Variants in PNKP observed in about 807,000 individuals in gnomAD.
The protein encoded by PNKP is bifunctional polynucleotide phosphatase/kinase.
A neutral mutation model predicts 66.2 loss-of-function variants in PNKP; 82 were observed. That is an observed-to-expected ratio of 1.24 (90% CI 1.04 to 1.49). The LOEUF (loss-of-function observed/expected upper bound fraction) is 1.49, where lower values mean the gene tolerates loss of function less well. Ranked by LOEUF, PNKP falls within the 40% of genes most tolerant of loss-of-function variation. The probability of loss-of-function intolerance (pLI) is 0.00; values close to 1 mark genes in which losing one functional copy is unlikely to be tolerated. For synonymous variants in PNKP, 412 were observed against 298.9 expected (o/e 1.38, Z -3.90); for missense variants, 907 against 706.8 (o/e 1.28, Z -3.21).
rs1416491595 is a variant in PNKP, at chr19:49,862,050, C to T, written c.1182G>A (p.Val394=). The T allele has an allele frequency of 6.2e-7, 1 of 1,614,008 alleles. No homozygotes were observed. The highest frequency in any genetic ancestry group is 8.5e-7 in the Non-Finnish European group (1 of 1,179,988). Residue 394 remains valine (V), a synonymous_variant, in exon 13 of 17, where the codon GTG becomes GTA. Transcript: ENST00000322344. ...GGCAAAAGCCTGGTCATACCCTGTTCACGTGGACATATCCGGCCGACACGA... is the reference window on the plus strand; with the variant it reads ...GGCAAAAGCCTGGTCATACCCTGTTTACGTGGACATATCCGGCCGACACGA... ...KHLVSAGYVH[V]NRDTLGSWQR...
intron 8 of PNKP, chr19:49,862,965 C>G: frequency 3.1e-6 from 2 of 645,454 alleles, no homozygotes; most frequent in Non-Finnish European, 2.8e-6. Context: ...CACCTCCTCC[C>G]GTTCCCCACG....
Position 49,861,785 on chromosome 19 carries a change from C to CGGCGTCTG in PNKP, c.1277_1284dup (p.Ala429GlnfsTer41). On this transcript the variant is annotated frameshift_variant, in exon 14 of 17. Transcript: ENST00000322344. LOFTEE classifies it high-confidence loss of function. ...CGGTCACGCTACCTGGCGCGGCTCG[C>CGGCGTCTG]GGCGTCTGGGTTTGTGTTGTCGATG... 1 of 1,566,094 alleles carries CGGCGTCTG rather than the reference C, an allele frequency of 6.4e-7. No individual in the cohort carries two copies. The highest frequency in any genetic ancestry group is 8.6e-7 in the Non-Finnish European group (1 of 1,158,520).
Position 49,861,704 on chromosome 19 carries a change from G to A in PNKP, c.1299-9C>T, listed in dbSNP as rs1055654261. The A allele has an allele frequency of 1.5e-5, 23 of 1,548,314 alleles. No individual in the cohort carries two copies. Among genetic ancestry groups the A allele is most frequent in the South Asian group, 1.1e-4 (9 of 84,144 alleles). ...GGGCACACTGGACGTACCTGTGGGG[G>A]AAGGAGCTGGATGTGCAGGCCCCGC... On this transcript the variant is annotated splice_polypyrimidine_tract_variant and intron_variant, in intron 14 of 16. Transcript: ENST00000322344.
At position 49,861,556 on chromosome 19, in the gene PNKP, GA is replaced by G. The variant is rs777810196; in HGVS notation, c.1387-47del. 2.4e-5 allele frequency: 38 copies of G among 1,574,688 alleles called. No individual in the cohort carries two copies. The highest frequency in any genetic ancestry group is 3.1e-5 in the Non-Finnish European group (36 of 1,160,556). Reference sequence around the variant, plus strand: ...GCGGCAGGCCCAGGGGTCAGGGGAGGAGGGGGGTCAGGGGGTGCAGCCCGGG... The same window carrying G: ...GCGGCAGGCCCAGGGGTCAGGGGAGGGGGGGGTCAGGGGGTGCAGCCCGGG... On this transcript the variant is annotated intron_variant, in intron 15 of 16. Coordinates refer to ENST00000322344, the MANE Select transcript of PNKP (RefSeq NM_007254.4).
intron 13 of PNKP, 62 bp downstream of exon 13, chr19:49,861,982 C>G: frequency 6.2e-7 from 1 of 1,601,920 alleles, no homozygotes; most frequent in Non-Finnish European, 8.6e-7. Context: ...CGCCCCAAAC[C>G]AGTTGAGAGG....
intron 3 of PNKP, 107 bp from the exon 4 acceptor site, chr19:49,865,533 C>T: frequency 8.2e-6 from 6 of 731,256 alleles, no homozygotes; most frequent in Non-Finnish European, 1.2e-5. Flanking sequence ...CTATCAGACC[C>T]TTAGGCCCCA....
chr19:49,863,570 G>A (rs1173012984), intron 8 of PNKP, 119 bp downstream of exon 8: 1 of 730,974 alleles, frequency 1.4e-6, no homozygotes. Flanking sequence ...GCAAAAAACA[G>A]AAGGAGGGAG....
chr19:49,863,895 T>C, intron 7 of PNKP, 69 bp downstream of exon 7: 7 of 1,421,954 alleles, frequency 4.9e-6, no homozygotes, highest in Non-Finnish European at 6.9e-6. Flanking sequence ...CCGCTTACCC[T>C]GGAGTCTAAA....
chr19:49,861,717 G>A (rs1568658809), intron 14 of PNKP, 22 bp from the exon 15 acceptor site: 5 of 1,548,788 alleles, frequency 3.2e-6, no homozygotes, highest in Middle Eastern at 1.7e-4. Flanking sequence ...GGAGCTGGAT[G>A]TGCAGGCCCC....
intron 8 of PNKP, among the ~76,000 whole-genome samples, chr19:49,863,304 C>G (rs2074793497): frequency 1.3e-5 from 2 of 152,154 alleles, no homozygotes; most frequent in African/African-American, 4.8e-5. Context: ...CGGGTGATGC[C>G]TGCTTTCTCC....
In PNKP at chr19:49,867,344, C is replaced by T. The variant is rs2074829567; in HGVS notation, c.-14+125G>A. On this transcript the variant is annotated intron_variant, in intron 1 of 16. Coordinates refer to ENST00000322344, the MANE Select transcript of PNKP (RefSeq NM_007254.4). ...TGCTCCGGAAGTCCCACCCGCTCGC[C>T]TTCCGCGGGTCGACCCGTTTCCCAG... 5 of 1,019,724 alleles carry T rather than the reference C, an allele frequency of 4.9e-6. No individual in the cohort carries two copies. The South Asian group carries it at 4.9e-5, about 10-fold the overall frequency. 63.2% of individuals were successfully genotyped at this position (1,019,724 alleles called of 1,614,324 possible).
rs1568658973 is a variant in PNKP, at chr19:49,861,773, TG to T, written c.1296del (p.Arg433GlyfsTer34). The T allele has an allele frequency of 1.9e-6, 3 of 1,570,374 alleles. No individual in the cohort carries two copies. The South Asian group carries it at 3.5e-5, about 18-fold the overall frequency. The stretch of plus-strand genomic sequence containing the variant: ...CCTACGGCCCCGCGGTCACGCTACC[TG>T]GCGCGGCTCGCGGCGTCTGGGTTTG... ...DNTNPDAASR[A>X]RYVQCARAAG... is the part of the protein sequence containing the mutation. On this transcript the variant is annotated frameshift_variant and splice_region_variant, in exon 14 of 17. Transcript: ENST00000322344. LOFTEE classifies it high-confidence loss of function.
chr19:49,865,338 A>C lies in PNKP; in HGVS notation c.287T>G (p.Val96Gly). ...SLGVGDTLYL[V>G]NGLHPLTLRW... Reference sequence around the variant, plus strand: ...CAGGGTCAGTGGGTGGAGGCCATTGACCAAATACAGTGTGTCCCCCACCCC... The same window carrying C: ...CAGGGTCAGTGGGTGGAGGCCATTGCCCAAATACAGTGTGTCCCCCACCCC... Residue 96 changes from valine (V) to glycine (G), a missense_variant, in exon 4 of 17, where the codon GTC (valine) becomes GGC (glycine). Physicochemically the swap from Val to Gly is moderately radical, Grantham distance 109. Transcript: ENST00000322344. 4 of 1,613,936 alleles carry C rather than the reference A, an allele frequency of 2.5e-6. No individual in the cohort carries two copies. The highest frequency in any genetic ancestry group is 1.7e-6 in the Non-Finnish European group (2 of 1,179,926).
Position 49,861,669 on chromosome 19 carries a change from C to G in PNKP, c.1325G>C (p.Gly442Ala), listed in dbSNP as rs1360064159. 1 of 1,548,248 alleles carries G rather than the reference C, an allele frequency of 6.5e-7. No individual in the cohort carries two copies. Among genetic ancestry groups the G allele is most frequent in the African/African-American group, 1.4e-5 (1 of 73,138 alleles). ...GAAGAGGAAGCAGCGGCAGGGGACG[C>G]CCGCGGCTCGGGCACACTGGACGTA... is the stretch of plus-strand genomic sequence containing the variant. ...ARYVQCARAAGVPCRCFLFTA... is the reference protein window; with the variant it reads ...ARYVQCARAAAVPCRCFLFTA... The change falls in exon 15 of 17, where the codon GGC (glycine) becomes GCC (alanine). Residue 442 changes from glycine to alanine, a missense_variant. Coordinates refer to ENST00000322344, the MANE Select transcript of PNKP (RefSeq NM_007254.4).
chr19:49,861,442 A>C lies in PNKP; in HGVS notation c.1448+7T>G. On this transcript the variant is annotated splice_region_variant and intron_variant, in intron 16 of 16. Transcript: ENST00000322344. ...GTGCCCCTGCCCCCTGCTATCCCCA[A>C]CAGTACCTGTAGCCATACATGACCA... 6.2e-7 allele frequency: 1 copy of C among 1,613,986 alleles called. No homozygotes were observed. Among genetic ancestry groups the C allele is most frequent in the Non-Finnish European group, 8.5e-7 (1 of 1,179,910 alleles).
In PNKP at chr19:49,863,768, T is replaced by C. The variant is rs556864856; in HGVS notation, c.745-8A>G. The C allele has an allele frequency of 1.3e-6, 2 of 1,557,102 alleles. No individual in the cohort carries two copies. The highest frequency in any genetic ancestry group is 2.4e-5 in the East Asian group (1 of 41,772). ...GTGCGTGGCCACCAGCACCTGTGGA[T>C]GGGAGGGGGCCACCAGCTTTAGCTC... On this transcript the variant is annotated splice_polypyrimidine_tract_variant and splice_region_variant and intron_variant, in intron 7 of 16. Coordinates refer to ENST00000322344, the MANE Select transcript of PNKP (RefSeq NM_007254.4).
At position 49,861,783 on chromosome 19, in the gene PNKP, C is replaced by G. The variant is rs1281900821; in HGVS notation, c.1287G>C (p.Ala429=). 3 of 1,565,958 alleles carry G rather than the reference C, an allele frequency of 1.9e-6. No homozygotes were observed. The highest frequency in any genetic ancestry group is 2.6e-6 in the Non-Finnish European group (3 of 1,158,164). The part of the protein sequence containing the change: ...VAIDNTNPDA[A]SRARYVQCAR... ...CGCGGTCACGCTACCTGGCGCGGCT[C>G]GCGGCGTCTGGGTTTGTGTTGTCGA... The change falls in exon 14 of 17, where the codon GCG becomes GCC. Residue 429 remains alanine (A), a synonymous_variant. Coordinates refer to ENST00000322344, the MANE Select transcript of PNKP (RefSeq NM_007254.4).
rs746916070 is a variant in PNKP at position 49,861,349 on chromosome 19, G to A, written c.1465C>T (p.Pro489Ser). The A allele has an allele frequency of 1.2e-6, 2 of 1,614,078 alleles. No individual in the cohort carries two copies. Among genetic ancestry groups the A allele is most frequent in the Admixed American group, 3.3e-5 (2 of 60,004 alleles). Residue 489 changes from proline (P) to serine (S), a missense_variant, in exon 17 of 17, where the codon CCA (proline) becomes TCA (serine). Pro to Ser is a moderately conservative substitution (Grantham distance 74). Transcript: ENST00000322344. ...GCAGAGAAGCCTTCAGCCAGCGTTG[G>A]GGCCTCGAACTGCTTCCTGGCAGTG... ...MYGYRKQFEA[P>S]TLAEGFSAIL...
Position 49,861,819 on chromosome 19 carries a change from T to C in PNKP, c.1251A>G (p.Lys417=). The part of the protein sequence containing the change: ...TTCETALKQG[K]RVAIDNTNPD... ...GGTTTGTGTTGTCGATGGCGACCCG[T>C]TTCCCTTGCTTCAGGGCTGTCTCAC... Residue 417 remains lysine (K), a synonymous_variant, in exon 14 of 17, where the codon AAA becomes AAG. Transcript: ENST00000322344. 1 of 1,587,554 alleles carries C rather than the reference T, an allele frequency of 6.3e-7. No homozygotes were observed.
Sources: gnomAD v4.1 joint callset for allele counts (sites outside exome capture counted in the v4.1 genomes callset) on GRCh38, gnomAD v4.1.1 for gene constraint, MANE v1.5 for transcripts, NCBI Gene and HGNC (gene_info 2026-07-23, HGNC 2026-07-21) for gene names.